Variants in LINC01488 observed in about 807,000 individuals in gnomAD.
LINC01488 encodes CCND1-upstream intergenic DNA repair 1.
At chr11:69,483,758 T>C (rs542495348) in intron 1 of LINC01488, among the ~76,000 whole-genome samples, 1 of 152,284 alleles carries the variant, frequency 6.6e-6, no homozygotes, top group East Asian at 1.9e-4. Flanking sequence ...TTGTCCCTTT[T>C]GTTTACAGCA....
chr11:69,487,820 C>T (rs923768444), intron 1 of LINC01488: 9 of 152,354 alleles, frequency 5.9e-5, no homozygotes, highest in African/African-American at 2.2e-4. Context: ...CAGATGCCTC[C>T]TACCCTGACA....
intron 1 of LINC01488, among the ~76,000 whole-genome samples, chr11:69,483,933 G>T (rs1028530599): frequency 1.3e-5 from 2 of 152,208 alleles, no homozygotes; most frequent in African/African-American, 4.8e-5. Flanking sequence ...AAGAGCCTTT[G>T]TCTAAGGCAG....
At chr11:69,483,531 A>G (rs1034621757) in intron 1 of LINC01488, among the ~76,000 whole-genome samples, 4 of 152,196 alleles carry the variant, frequency 2.6e-5, no homozygotes, top group Non-Finnish European at 5.9e-5. Flanking sequence ...ATAAATGAAG[A>G]AACCATCTCC....
intron 1 of LINC01488, among the ~76,000 whole-genome samples, chr11:69,484,661 C>A (rs1043595155): frequency 6.6e-6 from 1 of 152,250 alleles, no homozygotes; most frequent in Non-Finnish European, 1.5e-5. Flanking sequence ...TCTGACTCTG[C>A]CAAGTGGGCC....
chr11:69,489,878 G>A (rs1857191316), intron 1 of LINC01488, among the ~76,000 whole-genome samples: 1 of 152,218 alleles, frequency 6.6e-6, no homozygotes, highest in African/African-American at 2.4e-5. Context: ...CTCAGCGGGT[G>A]AGGAGGGTAA....
At chr11:69,492,590 A>G (rs1857240548) in exon 4 of LINC01488, 1 of 152,294 alleles carries the variant, frequency 6.6e-6, no homozygotes, top group South Asian at 2.1e-4. Context: ...GAAGCCAGAA[A>G]GGGCAAGGCC....
chr11:69,487,354 G>A (rs1452910524), intron 1 of LINC01488, among the ~76,000 whole-genome samples: 4 of 152,308 alleles, frequency 2.6e-5, no homozygotes, highest in South Asian at 2.1e-4. Context: ...CAGGGCCCTC[G>A]AAAAATCACT....
intron 1 of LINC01488, among the ~76,000 whole-genome samples, chr11:69,487,261 G>A (rs1310027299): frequency 6.6e-6 from 1 of 152,226 alleles, no homozygotes; most frequent in Non-Finnish European, 1.5e-5. Flanking sequence ...AGGAGAGAGG[G>A]GCCTGGAAAG....
At chr11:69,489,475 C>T (rs1360116071) in intron 1 of LINC01488, among the ~76,000 whole-genome samples, 1 of 152,238 alleles carries the variant, frequency 6.6e-6, no homozygotes, top group Non-Finnish European at 1.5e-5. Context: ...CCCAAACCTC[C>T]AGCGCGAAAT....
At chr11:69,488,048 G>C (rs1857152976) in intron 1 of LINC01488, 1 of 152,396 alleles carries the variant, frequency 6.6e-6, no homozygotes, top group Non-Finnish European at 1.5e-5. Context: ...GGCAGGAAGA[G>C]GGTCTCATGC....
intron 1 of LINC01488, among the ~76,000 whole-genome samples, chr11:69,487,368 G>A (rs145705048): frequency 7.9e-5 from 12 of 152,302 alleles, no homozygotes; most frequent in African/African-American, 2.2e-4. Flanking sequence ...AATCACTCGC[G>A]GGAACAAGGG....
intron 1 of LINC01488, chr11:69,486,020 G>A (rs1048850615): frequency 1.3e-5 from 2 of 152,224 alleles, no homozygotes; most frequent in Non-Finnish European, 2.9e-5. Context: ...TCTCAAATGG[G>A]GACCCTTTCT....
At chr11:69,485,156 A>C (rs1857094246) in intron 1 of LINC01488, among the ~76,000 whole-genome samples, 1 of 151,832 alleles carries the variant, frequency 6.6e-6, no homozygotes, top group Non-Finnish European at 1.5e-5. Context: ...ATCTTACTTG[A>C]CCTCCTAGCA....
At chr11:69,491,765 C>T (rs1857224137) in intron 3 of LINC01488, 1 of 152,598 alleles carries the variant, frequency 6.6e-6, no homozygotes, top group Non-Finnish European at 1.5e-5. Context: ...GGCAGAACCC[C>T]TGCCCCATGG....
At chr11:69,486,584 C>T (rs1385248142) in intron 1 of LINC01488, among the ~76,000 whole-genome samples, 1 of 152,208 alleles carries the variant, frequency 6.6e-6, no homozygotes, top group South Asian at 2.1e-4. Flanking sequence ...GAGGAGCAGT[C>T]GCCCTCCCCT....
intron 1 of LINC01488, among the ~76,000 whole-genome samples, chr11:69,483,696 C>A (rs765025169): frequency 6.6e-6 from 1 of 152,182 alleles, no homozygotes; most frequent in African/African-American, 2.4e-5. Context: ...CAGCCCCAGC[C>A]GCACCCCATT....
intron 1 of LINC01488, among the ~76,000 whole-genome samples, chr11:69,483,036 T>A (rs969022522): frequency 2.6e-4 from 40 of 152,156 alleles, no homozygotes; most frequent in African/African-American, 9.4e-4. Context: ...GACTTCAACA[T>A]ACGAATTGTG....
chr11:69,484,060 G>A (rs1857077718), intron 1 of LINC01488, among the ~76,000 whole-genome samples: 2 of 152,248 alleles, frequency 1.3e-5, no homozygotes, highest in Non-Finnish European at 2.9e-5. Flanking sequence ...CAGCTGCGAA[G>A]TAAAGGGGAA....
chr11:69,489,050 G>A (rs1188334755), intron 1 of LINC01488, among the ~76,000 whole-genome samples: 1 of 151,454 alleles, frequency 6.6e-6, no homozygotes, highest in Non-Finnish European at 1.5e-5. Flanking sequence ...CTTCAGAAAG[G>A]TAATGGGAAG....
Sources: allele counts gnomAD v4.1 joint callset (sites outside exome capture counted in the v4.1 genomes callset), GRCh38; gene constraint gnomAD v4.1.1; transcripts MANE v1.5; gene names NCBI Gene and HGNC (gene_info 2026-07-23, HGNC 2026-07-21).